Variants in ZNF496 observed in about 807,000 individuals in gnomAD.
The protein encoded by ZNF496 is zinc finger protein 496, also known as NSD1 (nuclear receptor binding SET-domain containing 1)-interacting zinc finger protein 1.
A neutral mutation model predicts 58.9 loss-of-function variants in ZNF496; 11 were observed. The observed-to-expected ratio is 0.19, with a 90% confidence interval of 0.12 to 0.31. The LOEUF is 0.31. Ranked by LOEUF, ZNF496 falls within the 10% of genes least tolerant of loss-of-function variation. The probability of loss-of-function intolerance (pLI) is 1.00; values close to 1 mark genes in which losing one functional copy is unlikely to be tolerated. For synonymous variants in ZNF496, 338 were observed against 318.2 expected (o/e 1.06, Z -0.66); for missense variants, 660 against 783.0 (o/e 0.84, Z 1.88).
intron 5 of ZNF496, among the ~76,000 whole-genome samples, chr1:247,325,944 G>C (rs1447273249): frequency 1.3e-5 from 2 of 151,726 alleles, no homozygotes; most frequent in Non-Finnish European, 2.9e-5. Flanking sequence ...CCTTCTCCAA[G>C]TTTAAAATCA....
rs763328608 is a variant in ZNF496, at chr1:247,323,155, G to C, written c.650C>G (p.Pro217Arg). Reference protein sequence around the residue: ...TQQVTTLQLPPSRVSPFKDMI... With the variant: ...TQQVTTLQLPRSRVSPFKDMI... ...AGGACTCCTGTAGAAACCACTCACC[G>C]GGGGTAGCTGGAGGGTGGTCACCTG... The change falls in exon 6 of 10, where the codon CCG becomes CGG. Residue 217 changes from proline (P) to arginine (R), a missense_variant and splice_region_variant. Coordinates refer to ENST00000682384, the MANE Select transcript of ZNF496 (RefSeq NM_032752.3). 1.9e-6 allele frequency: 3 copies of C among 1,612,698 alleles called. No homozygotes were observed. Among genetic ancestry groups the C allele is most frequent in the East Asian group, 4.5e-5 (2 of 44,864 alleles).
Position 247,307,569 on chromosome 1 carries a change from C to G in ZNF496, c.1006+906G>C. 3.0e-6 allele frequency: 3 copies of G among 985,350 alleles called. 1 individual carries two copies. The South Asian group carries it at 1.4e-4, about 46-fold the overall frequency. 61.0% of individuals were successfully genotyped at this position (985,350 alleles called of 1,614,324 possible). ...CGCAGAGGTGGGCTTCTTAGAAAAC[C>G]AGGGGTGGGCATCCATGCTTGTGGA... is the stretch of plus-strand genomic sequence containing the variant. On this transcript the variant is annotated intron_variant, in intron 9 of 9. Transcript: ENST00000682384.
Position 247,309,013 on chromosome 1 carries a change from T to C in ZNF496, c.893-425A>G, listed in dbSNP as rs1659507652. The C allele has an allele frequency of 5.4e-6, 1 of 184,314 alleles. No homozygotes were observed. Among genetic ancestry groups the C allele is most frequent in the Non-Finnish European group, 1.1e-5 (1 of 87,708 alleles). 11.4% of individuals were successfully genotyped at this position (184,314 alleles called of 1,614,324 possible). ...ACAGGAGCTACTGCACCACACCAAGTCTCTGAACGCTTGTTCCAGGTGGGG... is the reference window on the plus strand; with the variant it reads ...ACAGGAGCTACTGCACCACACCAAGCCTCTGAACGCTTGTTCCAGGTGGGG... On this transcript the variant is annotated intron_variant, in intron 8 of 9. Coordinates refer to ENST00000682384, the MANE Select transcript of ZNF496 (RefSeq NM_032752.3). This position sits in a 1 kb window ranked among gnomAD's most constrained non-coding sequence, Gnocchi z 4.3.
chr1:247,328,034 T>C (rs1176926724), intron 5 of ZNF496, among the ~76,000 whole-genome samples: 1 of 152,238 alleles, frequency 6.6e-6, no homozygotes, highest in Admixed American at 6.5e-5. Context: ...CTATCTCTGC[T>C]GGACAGAGGA....
intron 6 of ZNF496, chr1:247,312,107 C>T (rs1283107925): frequency 6.6e-6 from 1 of 152,212 alleles, no homozygotes; most frequent in African/African-American, 2.4e-5. Flanking sequence ...ACAAATATTC[C>T]CGATCTTTAA....
At chr1:247,328,332 T>C (rs1660206207) in intron 5 of ZNF496, among the ~76,000 whole-genome samples, 1 of 152,128 alleles carries the variant, frequency 6.6e-6, no homozygotes, top group African/African-American at 2.4e-5. Flanking sequence ...GCTCCAGTCA[T>C]GCAGCAGGCC....
In ZNF496 at chr1:247,300,708, A is replaced by G. The variant is rs1247633376; in HGVS notation, c.1575T>C (p.Cys525=). Reference sequence around the variant, plus strand: ...GCCGCTGGAAGGCCTTCCCACACTCACAGCACTGGAAGCTCAGTTTGGCCT... The same window carrying G: ...GCCGCTGGAAGGCCTTCCCACACTCGCAGCACTGGAAGCTCAGTTTGGCCT... The part of the protein sequence containing the change: ...NGKAKLSFQC[C]ECGKAFQRHD... The change falls in exon 10 of 10, where the codon TGT becomes TGC. Residue 525 remains cysteine, a synonymous_variant. Coordinates refer to ENST00000682384, the MANE Select transcript of ZNF496 (RefSeq NM_032752.3). The surrounding 1 kb of genome is among the most constrained non-coding windows in gnomAD (Gnocchi z 5.7). The G allele has an allele frequency of 6.2e-7, 1 of 1,613,950 alleles. No homozygotes were observed. Among genetic ancestry groups the G allele is most frequent in the Non-Finnish European group, 8.5e-7 (1 of 1,179,958 alleles).
At chr1:247,312,530 G>C (rs1345553879) in intron 6 of ZNF496, 1 of 152,198 alleles carries the variant, frequency 6.6e-6, no homozygotes, top group Admixed American at 6.5e-5. Flanking sequence ...GGGAGGCTGA[G>C]GCTGGCAGAT....
At chr1:247,313,981 T>G (rs529663065) in intron 6 of ZNF496, 3 of 152,230 alleles carry the variant, frequency 2.0e-5, no homozygotes, top group Non-Finnish European at 4.4e-5. Context: ...TGGGGTTAGG[T>G]GTAACAGGGA....
At chr1:247,325,498 T>C (rs1322139202) in intron 5 of ZNF496, among the ~76,000 whole-genome samples, 5 of 152,198 alleles carry the variant, frequency 3.3e-5, no homozygotes, top group African/African-American at 1.2e-4. Context: ...CTATACCTCA[T>C]ATATTTTTGT....
Position 247,298,335 on chromosome 1 carries a change from T to C in ZNF496, c.*2184A>G, listed in dbSNP as rs1240258636. 2 of 152,218 alleles carry C rather than the reference T, an allele frequency of 1.3e-5. No homozygotes were observed. The highest frequency in any genetic ancestry group is 1.3e-4 in the Admixed American group (2 of 15,286). The allele number at this position is 152,218 out of a possible 1,614,324, so 9.4% of individuals were successfully genotyped here. On this transcript the variant is annotated 3_prime_UTR_variant, in exon 10 of 10. Transcript: ENST00000682384. ...GAGTTTGGGGCAGAGGCTTTTTAAT[T>C]ATTTTTGAGACAGAGTCTCATTCTG...
At chr1:247,320,412 T>C (rs760860509) in intron 6 of ZNF496, among the ~76,000 whole-genome samples, 6 of 152,202 alleles carry the variant, frequency 3.9e-5, no homozygotes, top group Non-Finnish European at 7.3e-5. Context: ...TTATATAACA[T>C]TCTTGAAATG....
chr1:247,323,564 G>A (rs924398943), intron 5 of ZNF496, among the ~76,000 whole-genome samples: 2 of 152,030 alleles, frequency 1.3e-5, no homozygotes, highest in African/African-American at 4.8e-5. Flanking sequence ...CTTTCACCTC[G>A]GGTAGGTCCC....
chr1:247,307,079 AAAGATATTCCAC>A lies in ZNF496; in HGVS notation c.1006+1384_1006+1395del, dbSNP rs562494315. The A allele has an allele frequency of 3.0e-6, 3 of 985,064 alleles. No homozygotes were observed. In the South Asian group the frequency reaches 1.4e-4, roughly 46 times the overall value. The allele number at this position is 985,064 out of a possible 1,614,324, so 61.0% of individuals were successfully genotyped here. A position where few individuals can be genotyped will look rare whatever the true frequency, so the allele number is the denominator to read the frequency against. On this transcript the variant is annotated intron_variant, in intron 9 of 9. Coordinates refer to ENST00000682384, the MANE Select transcript of ZNF496 (RefSeq NM_032752.3). ...AATTCATAGAACACAATAAACAAGA[AAAGATATTCCAC>A]CTCAGTGGCGGATGTAGTAGCATTA...
In ZNF496 at chr1:247,308,494, C is replaced by T. The variant is rs142746125; in HGVS notation, c.987G>A (p.Val329=). The change falls in exon 9 of 10, where the codon GTG becomes GTA. Residue 329 remains valine, a synonymous_variant. Coordinates refer to ENST00000682384, the MANE Select transcript of ZNF496 (RefSeq NM_032752.3). This position sits in a 1 kb window ranked among gnomAD's most constrained non-coding sequence, Gnocchi z 4.5. ...CTTTACCTGGGTAGGTGTTTTGAGG[C>T]ACCACCGTCTGTGGGCAGGCCTGGA... ...PEFQACPQTV[V]PQNTYPAGGN... is the part of the protein sequence containing the mutation. 9.9e-6 allele frequency: 16 copies of T among 1,613,964 alleles called. No individual in the cohort carries two copies. Among genetic ancestry groups the T allele is most frequent in the Non-Finnish European group, 1.3e-5 (15 of 1,180,002 alleles).
At chr1:247,310,176 A>AC (rs1164155229) in intron 7 of ZNF496, 148 bp downstream of exon 7, 1 of 1,466,424 alleles carries the variant, frequency 6.8e-7, no homozygotes, top group African/African-American at 1.4e-5. Context: ...TGTGCAAATG[A>AC]CCTCCTGTCC....
rs1558438299 is a variant in ZNF496 at position 247,308,589 on chromosome 1, C to G, written c.893-1G>C. 1 of 1,613,782 alleles carries G rather than the reference C, an allele frequency of 6.2e-7. No individual in the cohort carries two copies. The highest frequency in any genetic ancestry group is 8.5e-7 in the Non-Finnish European group (1 of 1,179,734). On this transcript the variant is annotated splice_acceptor_variant, in intron 8 of 9. Coordinates refer to ENST00000682384, the MANE Select transcript of ZNF496 (RefSeq NM_032752.3). LOFTEE classifies it high-confidence loss of function. The surrounding 1 kb of genome is among the most constrained non-coding windows in gnomAD (Gnocchi z 4.5). Reference sequence around the variant, plus strand: ...TGGAATGGCTGGAGACTTGGAGAGTCTTTCCAGAGGAGGAAATGGAAAAAT... The same window carrying G: ...TGGAATGGCTGGAGACTTGGAGAGTGTTTCCAGAGGAGGAAATGGAAAAAT...
chr1:247,314,134 A>C (rs1659698867), intron 6 of ZNF496, among the ~76,000 whole-genome samples: 1 of 152,180 alleles, frequency 6.6e-6, no homozygotes, highest in Admixed American at 6.5e-5. Context: ...ACCACAGCTC[A>C]CTGCAGCCTC....
intron 5 of ZNF496, among the ~76,000 whole-genome samples, chr1:247,324,734 T>A (rs11803086): frequency 0.021 from 3,225 of 152,124 alleles, 109 homozygotes; most frequent in African/African-American, 0.072. Context: ...TACATACAAT[T>A]TTTTTTTGTC....
Sources: gnomAD v4.1 joint callset for allele counts (sites outside exome capture counted in the v4.1 genomes callset) on GRCh38, gnomAD v4.1.1 for gene constraint, Gnocchi (gnomAD v3.1) non-coding constraint, MANE v1.5 for transcripts, NCBI Gene and HGNC (gene_info 2026-07-23, HGNC 2026-07-21) for gene names.